Variants in QKI observed in about 807,000 individuals in gnomAD.
The protein encoded by QKI is KH domain-containing RNA-binding protein QKI.
Under a neutral mutation model 39.0 loss-of-function variants are expected in QKI, and 10 were observed. That is an observed-to-expected ratio of 0.26 (90% CI 0.16 to 0.43). The LOEUF (loss-of-function observed/expected upper bound fraction) is 0.43. Ranked by LOEUF, QKI falls within the 20% of genes least tolerant of loss-of-function variation. The probability of loss-of-function intolerance (pLI) is 1.00; values close to 1 mark genes in which losing one functional copy is unlikely to be tolerated. For synonymous variants in QKI, 204 were observed against 155.4 expected, an observed-to-expected ratio of 1.31 and a Z score of -2.33; for missense variants, 218 against 428.0, an observed-to-expected ratio of 0.51 and a Z score of 4.33.
intron 2 of QKI, among the ~76,000 whole-genome samples, chr6:163,468,415 A>G (rs1562462752): frequency 6.6e-6 from 1 of 152,134 alleles, no homozygotes. Flanking sequence ...TTCGAAATCC[A>G]TTTTTTATTA....
chr6:163,544,020 T>C (rs2128244061), intron 4 of QKI, among the ~76,000 whole-genome samples: 1 of 152,214 alleles, frequency 6.6e-6, no homozygotes, highest in African/African-American at 2.4e-5. Flanking sequence ...TCTCACAAAG[T>C]AAGAACATTT....
Position 163,576,192 on chromosome 6 carries a change from C to T in QKI, c.*5482C>T, listed in dbSNP as rs1396298536. On this transcript the variant is annotated 3_prime_UTR_variant, in exon 8 of 8. Coordinates refer to ENST00000361752, the MANE Select transcript of QKI (RefSeq NM_006775.3). ...GTTTAAGTGATCTAAATTGAGATGC[C>T]TTTGATATGAAGAGATTTACCAACA... 2.6e-5 allele frequency: 4 copies of T among 151,976 alleles called. No individual in the cohort carries two copies. Among genetic ancestry groups the T allele is most frequent in the Non-Finnish European group, 5.9e-5 (4 of 67,998 alleles). The allele number at this position is 151,976 out of a possible 1,614,324, so 9.4% of individuals were successfully genotyped here. A position where few individuals can be genotyped will look rare whatever the true frequency, so the allele number is the denominator to read the frequency against.
At chr6:163,551,313 G>C (rs965695430) in intron 4 of QKI, among the ~76,000 whole-genome samples, 2 of 152,214 alleles carry the variant, frequency 1.3e-5, no homozygotes, top group African/African-American at 4.8e-5. Flanking sequence ...TCCACCTGGA[G>C]ATAGCCTTAG....
chr6:163,510,422 A>G (rs950773580), intron 3 of QKI, among the ~76,000 whole-genome samples: 9 of 147,578 alleles, frequency 6.1e-5, no homozygotes, highest in African/African-American at 1.8e-4. Context: ...TTATCCAGGC[A>G]TGGTGGCGCA....
In QKI at chr6:163,515,963, A is replaced by G. The variant is rs145107266; in HGVS notation, c.403-19019A>G. Among the ~76,000 whole-genome samples, 934 of 151,920 alleles carry G rather than the reference A, an allele frequency of 6.1e-3. 10 individuals carry two copies. Among genetic ancestry groups the G allele is most frequent in the African/African-American group, 0.022 (896 of 41,368 alleles). On this transcript the variant is annotated intron_variant, in intron 3 of 7. Transcript: ENST00000361752. ...ATTTATCTCTCAAATCTGTCACCTC[A>G]TTGTGATGTAATCTGATTATTTATC...
intron 1 of QKI, among the ~76,000 whole-genome samples, chr6:163,421,634 A>T (rs1375387125): frequency 6.7e-6 from 1 of 150,118 alleles, no homozygotes; most frequent in African/African-American, 2.5e-5. Flanking sequence ...TTTAACACAA[A>T]TAGCTATGTT....
At chr6:163,542,789 T>A (rs991285059) in intron 4 of QKI, among the ~76,000 whole-genome samples, 1 of 152,070 alleles carries the variant, frequency 6.6e-6, no homozygotes, top group African/African-American at 2.4e-5. Flanking sequence ...GATCTCTTTA[T>A]ATACATGGAG....
chr6:163,464,241 T>C (rs1461895438), intron 2 of QKI, among the ~76,000 whole-genome samples: 2 of 151,810 alleles, frequency 1.3e-5, no homozygotes, highest in Non-Finnish European at 2.9e-5. Context: ...TGAAATTACA[T>C]AGTGATTTTT....
chr6:163,504,032 C>T (rs779265088), intron 3 of QKI, among the ~76,000 whole-genome samples: 1 of 152,058 alleles, frequency 6.6e-6, no homozygotes, highest in Non-Finnish European at 1.5e-5. Context: ...TGTGAGCCCC[C>T]ACCCCCAGCG....
At chr6:163,453,706 T>G (rs1345169849) in intron 1 of QKI, among the ~76,000 whole-genome samples, 1 of 152,172 alleles carries the variant, frequency 6.6e-6, no homozygotes, top group Non-Finnish European at 1.5e-5. Context: ...GCCCTTATCA[T>G]GTAGTCAAAT....
intron 3 of QKI, among the ~76,000 whole-genome samples, chr6:163,508,969 A>G (rs1583126674): frequency 6.6e-6 from 1 of 151,530 alleles, no homozygotes; most frequent in Non-Finnish European, 1.5e-5. Flanking sequence ...AGAAACCCCA[A>G]CTCTACTAAA....
At chr6:163,548,958 CA>C (rs1214989593) in intron 4 of QKI, among the ~76,000 whole-genome samples, 2 of 152,112 alleles carry the variant, frequency 1.3e-5, no homozygotes, top group Non-Finnish European at 2.9e-5. Context: ...TTTGTAACTC[CA>C]GAATTCTGAC....
At chr6:163,531,318 C>T (rs1311282340) in intron 3 of QKI, among the ~76,000 whole-genome samples, 1 of 152,186 alleles carries the variant, frequency 6.6e-6, no homozygotes, top group Non-Finnish European at 1.5e-5. Flanking sequence ...GTTACCCTGT[C>T]AACTGTTCTC....
intron 4 of QKI, among the ~76,000 whole-genome samples, chr6:163,535,572 G>C (rs527773329): frequency 6.6e-6 from 1 of 150,982 alleles, no homozygotes; most frequent in African/African-American, 2.4e-5. Flanking sequence ...CTGGTTTTCT[G>C]GGCCATTAAT....
chr6:163,480,744 T>A (rs1438754630), intron 3 of QKI, among the ~76,000 whole-genome samples: 2 of 152,202 alleles, frequency 1.3e-5, no homozygotes, highest in African/African-American at 2.4e-5. Flanking sequence ...AAGTTTTGGT[T>A]CTCATGTTTG....
At chr6:163,467,976 ATCTGTATTCAT>A (rs1403417791) in intron 2 of QKI, among the ~76,000 whole-genome samples, 3 of 152,188 alleles carry the variant, frequency 2.0e-5, no homozygotes, top group African/African-American at 7.2e-5. Flanking sequence ...GTCAAGGATC[ATCTGTATTCAT>A]TCTGTATTTT....
chr6:163,434,157 A>C (rs998845797), intron 1 of QKI, among the ~76,000 whole-genome samples: 1 of 152,158 alleles, frequency 6.6e-6, no homozygotes, highest in Non-Finnish European at 1.5e-5. Flanking sequence ...AAGGAGCCAC[A>C]CAATGGCATG....
intron 6 of QKI, chr6:163,565,703 G>A (rs1783322443): frequency 8.5e-7 from 1 of 1,178,932 alleles, no homozygotes; most frequent in African/African-American, 1.6e-5. Flanking sequence ...CACCTAAGCA[G>A]TAAAACATGA....
intron 1 of QKI, among the ~76,000 whole-genome samples, chr6:163,422,650 G>GT (rs1026324382): frequency 3.9e-5 from 6 of 152,188 alleles, no homozygotes; most frequent in African/African-American, 7.2e-5. Flanking sequence ...TGGTCACAAT[G>GT]TAAGTAAAGG....
Sources: allele counts gnomAD v4.1 joint callset (sites outside exome capture counted in the v4.1 genomes callset), GRCh38; gene constraint gnomAD v4.1.1; transcripts MANE v1.5; gene names NCBI Gene and HGNC (gene_info 2026-07-23, HGNC 2026-07-21).